The following PDE4D variants were observed in gnomAD, a reference collection of about 807,000 sequenced individuals.
PDE4D encodes 3',5'-cyclic-AMP phosphodiesterase 4D.
Under a neutral mutation model 87.4 loss-of-function variants are expected in PDE4D, and 24 were observed. The ratio of observed to expected loss-of-function variants is 0.27; its 90% CI spans 0.20 to 0.39. PDE4D has a LOEUF of 0.39. Ranked by LOEUF, PDE4D falls within the 10% of genes least tolerant of loss-of-function variation. The pLI, the probability that PDE4D is intolerant of heterozygous loss-of-function variation, is 1.00. For synonymous variants in PDE4D, 384 were observed against 383.2 expected (o/e 1.00, Z -0.02); for missense variants, 714 against 1,041.0 (o/e 0.69, Z 4.32).
Position 59,221,992 on chromosome 5 carries a change from T to A in PDE4D, c.456-6024A>T, listed in dbSNP as rs1376705923. Among the ~76,000 whole-genome samples, 10 of 152,340 alleles carry A rather than the reference T, an allele frequency of 6.6e-5. No individual in the cohort carries two copies. In the East Asian group the frequency reaches 1.9e-3, roughly 29 times the overall value. On this transcript the variant is annotated intron_variant, in intron 1 of 14. Coordinates refer to ENST00000340635, the MANE Select transcript of PDE4D (RefSeq NM_001104631.2). ...GGGGGCAGTAACAGTAATGACCAGCTGGCCTGCTGCATTCAGAAGTGTTAA... is the reference window on the plus strand; with the variant it reads ...GGGGGCAGTAACAGTAATGACCAGCAGGCCTGCTGCATTCAGAAGTGTTAA...
chr5:60,176,697 G>A (rs1562185969), intron 2 of PDE4D, among the ~76,000 whole-genome samples: 1 of 152,104 alleles, frequency 6.6e-6, no homozygotes, highest in African/African-American at 2.4e-5. Flanking sequence ...TATTTTAAAA[G>A]AAAAGGTGTT....
chr5:59,787,752 A>C (rs373979526), intron 1 of PDE4D, among the ~76,000 whole-genome samples: 50 of 152,368 alleles, frequency 3.3e-4, no homozygotes, highest in African/African-American at 1.1e-3. Flanking sequence ...TAAAATTTCA[A>C]GTGAGATTTT....
At chr5:59,820,612 G>T (rs981174003) in intron 1 of PDE4D, among the ~76,000 whole-genome samples, 1 of 152,152 alleles carries the variant, frequency 6.6e-6, no homozygotes, top group Non-Finnish European at 1.5e-5. Context: ...ACAACCTGGG[G>T]TATCAGTGGA....
At chr5:59,272,648 C>T (rs896913973) in intron 1 of PDE4D, among the ~76,000 whole-genome samples, 3 of 151,806 alleles carry the variant, frequency 2.0e-5, no homozygotes, top group African/African-American at 7.3e-5. Flanking sequence ...TTAAATAAAC[C>T]CTAAATTTGG....
At chr5:59,310,285 C>T (rs956608865) in intron 1 of PDE4D, among the ~76,000 whole-genome samples, 10 of 152,134 alleles carry the variant, frequency 6.6e-5, no homozygotes, top group African/African-American at 2.2e-4. Flanking sequence ...TATATGCTGG[C>T]CACACTGTCT....
At chr5:59,432,220 C>T (rs1054981880) in intron 1 of PDE4D, among the ~76,000 whole-genome samples, 2 of 151,966 alleles carry the variant, frequency 1.3e-5, no homozygotes, top group Non-Finnish European at 2.9e-5. Context: ...TAGGGATTCT[C>T]CTTCCTTTTT....
intron 5 of PDE4D, chr5:59,063,506 T>C (rs1763449068): frequency 6.6e-6 from 1 of 152,182 alleles, no homozygotes; most frequent in African/African-American, 2.4e-5. Flanking sequence ...ACTTCCTTAT[T>C]ATAATGCCTC....
intron 5 of PDE4D, among the ~76,000 whole-genome samples, chr5:59,123,305 G>A (rs772211175): frequency 6.6e-6 from 1 of 152,060 alleles, no homozygotes; most frequent in African/African-American, 2.4e-5. Flanking sequence ...CACTAAAAAC[G>A]TTTCCATGGC....
chr5:59,714,350 C>A (rs187684998), intron 1 of PDE4D, among the ~76,000 whole-genome samples: 1 of 152,350 alleles, frequency 6.6e-6, no homozygotes, highest in Non-Finnish European at 1.5e-5. Context: ...AACTCAAAGA[C>A]TACTTGCTGC....
At chr5:59,195,350 C>T (rs1291574526) in intron 2 of PDE4D, among the ~76,000 whole-genome samples, 1 of 152,126 alleles carries the variant, frequency 6.6e-6, no homozygotes, top group Admixed American at 6.6e-5. Context: ...AGGCCTGGTG[C>T]ACTGAAGTGG....
chr5:59,657,399 T>A (rs556201530), intron 1 of PDE4D, among the ~76,000 whole-genome samples: 1 of 152,268 alleles, frequency 6.6e-6, no homozygotes, highest in Admixed American at 6.5e-5. Flanking sequence ...ATTTTTTTCA[T>A]CACCAATAAA....
intron 1 of PDE4D, among the ~76,000 whole-genome samples, chr5:59,712,845 A>T (rs1754411256): frequency 6.6e-6 from 1 of 152,186 alleles, no homozygotes; most frequent in Admixed American, 6.5e-5. Flanking sequence ...TGGTTATCAT[A>T]TCTCACATTT....
chr5:59,159,481 A>T (rs139784896), intron 5 of PDE4D, among the ~76,000 whole-genome samples: 14 of 152,264 alleles, frequency 9.2e-5, no homozygotes, highest in African/African-American at 3.1e-4. Context: ...CCTTGGGGGT[A>T]GGACTATATC....
At chr5:59,108,997 G>A (rs1338616639) in intron 5 of PDE4D, among the ~76,000 whole-genome samples, 1 of 149,660 alleles carries the variant, frequency 6.7e-6, no homozygotes, top group African/African-American at 2.5e-5. Flanking sequence ...GTGTGTGTGT[G>A]TGTGTGGTGT....
At chr5:60,170,475 G>C (rs1000527232) in intron 2 of PDE4D, among the ~76,000 whole-genome samples, 1 of 151,894 alleles carries the variant, frequency 6.6e-6, no homozygotes, top group African/African-American at 2.4e-5. Flanking sequence ...CCTGATAAAA[G>C]TGTTTTCTTG....
chr5:60,376,520 A>G (rs1240138369), intron 1 of PDE4D, among the ~76,000 whole-genome samples: 1 of 152,192 alleles, frequency 6.6e-6, no homozygotes, highest in Non-Finnish European at 1.5e-5. Context: ...CTACTACAGA[A>G]GCCACAGCGA....
At chr5:60,067,825 T>C (rs577415092) in intron 2 of PDE4D, among the ~76,000 whole-genome samples, 2 of 152,280 alleles carry the variant, frequency 1.3e-5, no homozygotes, top group East Asian at 3.9e-4. Flanking sequence ...GCAATATGTG[T>C]CTTTCTATGA....
intron 2 of PDE4D, among the ~76,000 whole-genome samples, chr5:60,097,924 T>C (rs1266686344): frequency 6.6e-6 from 1 of 152,012 alleles, no homozygotes; most frequent in Non-Finnish European, 1.5e-5. Flanking sequence ...AAACTCTTAA[T>C]CAACAGTTGC....
chr5:60,317,976 G>A (rs981653784), intron 1 of PDE4D, among the ~76,000 whole-genome samples: 1 of 152,204 alleles, frequency 6.6e-6, no homozygotes, highest in Non-Finnish European at 1.5e-5. Flanking sequence ...GATTTGGGGT[G>A]GAGAGTTCTG....
Sources: gnomAD v4.1 joint callset for allele counts (sites outside exome capture counted in the v4.1 genomes callset) on GRCh38, gnomAD v4.1.1 for gene constraint, MANE v1.5 for transcripts, NCBI Gene and HGNC (gene_info 2026-07-23, HGNC 2026-07-21) for gene names.